GAK: variants seen among roughly 807,000 people sequenced by gnomAD.
GAK encodes the protein cyclin-G-associated kinase.
GAK carries 79 observed loss-of-function variants against 143.9 expected under a neutral mutation model. That is an observed-to-expected ratio of 0.55 (90% CI 0.46 to 0.66). The LOEUF (loss-of-function observed/expected upper bound fraction) is 0.66, where lower values mean the gene tolerates loss of function less well. GAK is among the 30% of genes least tolerant of loss of function. The probability of loss-of-function intolerance (pLI) is 0.00; values close to 1 mark genes in which losing one functional copy is unlikely to be tolerated. For synonymous variants in GAK, 881 were observed against 765.5 expected, an observed-to-expected ratio of 1.15 and a Z score of -2.49; for missense variants, 1,693 against 1,779.7, an observed-to-expected ratio of 0.95 and a Z score of 0.88.
At chr4:893,726 C>CA in intron 8 of GAK, 148 bp downstream of exon 8, 2 of 59,248 alleles carry the variant, frequency 3.4e-5, no homozygotes, top group Non-Finnish European at 5.2e-5. Context: ...TCTCTGGAAA[C>CA]CCCCCCCCCA....
rs1330360066 is a variant in GAK, at chr4:858,474, G to C, written c.3283+1132C>G. Among the ~76,000 whole-genome samples the C allele has an allele frequency of 3.3e-5, 5 of 152,274 alleles. No homozygotes were observed. The East Asian group carries it at 9.7e-4, about 29-fold the overall frequency. ...GCCCAGGGCAGTCAAGGCACACGCA[G>C]GTCTCCTCCCGAGGGCACGGCCCTC... On this transcript the variant is annotated intron_variant, in intron 24 of 27. Transcript: ENST00000314167.
intron 7 of GAK, among the ~76,000 whole-genome samples, chr4:895,616 T>C (rs568824091): frequency 6.6e-6 from 1 of 152,314 alleles, no homozygotes; most frequent in East Asian, 1.9e-4. Flanking sequence ...GCAAATACAC[T>C]ACGGAGGGCC....
chr4:921,376 G>C (rs1356699593), intron 1 of GAK, among the ~76,000 whole-genome samples: 1 of 152,184 alleles, frequency 6.6e-6, no homozygotes, highest in Non-Finnish European at 1.5e-5. Context: ...TTACAGGCCT[G>C]GGCTACCACG....
In GAK at chr4:884,036, C is replaced by T. The variant is rs1715729106; in HGVS notation, c.1255+1G>A. On this transcript the variant is annotated splice_donor_variant, in intron 12 of 27. Transcript: ENST00000314167. LOFTEE classifies it high-confidence loss of function. ...CCCACAGCCTCATGTGGCACGCATACCTGCAATTCTGGATGTGATGTAAGA... is the reference window on the plus strand; with the variant it reads ...CCCACAGCCTCATGTGGCACGCATATCTGCAATTCTGGATGTGATGTAAGA... 2 of 1,613,446 alleles carry T rather than the reference C, an allele frequency of 1.2e-6. No individual in the cohort carries two copies. The highest frequency in any genetic ancestry group is 1.7e-6 in the Non-Finnish European group (2 of 1,179,656).
At chr4:910,640 G>A (rs1577277273) in intron 4 of GAK, among the ~76,000 whole-genome samples, 2 of 152,204 alleles carry the variant, frequency 1.3e-5, no homozygotes, top group African/African-American at 4.8e-5. Context: ...GCTTGTGGAC[G>A]ACAGATCTCA....
In GAK at chr4:882,051, C is replaced by CA; in HGVS notation, c.1528-12dup. The CA allele has an allele frequency of 6.3e-7, 1 of 1,595,970 alleles. No individual in the cohort carries two copies. The highest frequency in any genetic ancestry group is 1.7e-5 in the Admixed American group (1 of 58,456). ...CGCGGCTCTCCCGTCCTAGGACAGA[C>CA]AGACACGTCTCGCGTGCGCCTCGCA... On this transcript the variant is annotated splice_polypyrimidine_tract_variant and intron_variant, in intron 14 of 27. Transcript: ENST00000314167.
chr4:866,832 A>G, intron 21 of GAK, 124 bp downstream of exon 21: 1 of 749,308 alleles, frequency 1.3e-6, no homozygotes, highest in South Asian at 2.0e-5. Context: ...CTCCTGGGGG[A>G]GGTGGGGGAA....
At chr4:882,625 A>G in intron 14 of GAK, 72 bp downstream of exon 14, 1 of 1,563,320 alleles carries the variant, frequency 6.4e-7, no homozygotes. Flanking sequence ...TGGCGCTCAG[A>G]TCCTGTTGAA....
intron 6 of GAK, 37 bp downstream of exon 6, chr4:897,996 G>A: frequency 6.3e-7 from 1 of 1,589,938 alleles, no homozygotes; most frequent in South Asian, 1.1e-5. Context: ...ATGTGGGAAG[G>A]GCCAGCTTCC....
At chr4:879,159 T>C (rs1714583570) in intron 15 of GAK, among the ~76,000 whole-genome samples, 1 of 151,978 alleles carries the variant, frequency 6.6e-6, no homozygotes, top group South Asian at 2.1e-4. Flanking sequence ...TAAGCCCGAG[T>C]GTGTTGTGTC....
chr4:849,808 A>G, intron 27 of GAK, 34 bp from the exon 28 acceptor site: 2 of 1,589,276 alleles, frequency 1.3e-6, no homozygotes, highest in Non-Finnish European at 1.7e-6. Context: ...CGCCTCTTAT[A>G]AGCATGCGGG....
intron 1 of GAK, among the ~76,000 whole-genome samples, chr4:928,851 C>A (rs1054985973): frequency 3.3e-5 from 5 of 152,130 alleles, no homozygotes; most frequent in Non-Finnish European, 5.9e-5. Context: ...GCATCCTCCA[C>A]CTCCCAGGTT....
chr4:914,366 GCC>G (rs1319183858), intron 1 of GAK, among the ~76,000 whole-genome samples: 1 of 80,852 alleles, frequency 1.2e-5, no homozygotes, highest in African/African-American at 5.1e-5. Context: ...AGCGTGCACG[GCC>G]CCCACACACA....
intron 23 of GAK, among the ~76,000 whole-genome samples, chr4:864,685 G>C (rs7663814): frequency 0.25 from 37,924 of 152,030 alleles, 4,871 homozygotes; most frequent in Non-Finnish European, 0.27. Flanking sequence ...ACAGGGCATG[G>C]GGCATCGGCC....
In GAK at chr4:851,828, G is replaced by T. The variant is rs1159920438; in HGVS notation, c.3430C>A (p.Gln1144Lys). 5.2e-5 allele frequency: 83 copies of T among 1,610,888 alleles called. No individual in the cohort carries two copies. Among genetic ancestry groups the T allele is most frequent in the Non-Finnish European group, 7.0e-5 (83 of 1,178,248 alleles). Reference protein sequence around the residue: ...QAKPPPKACTQPRPNYASNFS... With the variant: ...QAKPPPKACTKPRPNYASNFS... ...TTCGAGGCATAGTTAGGCCTTGGCTGTGTGCAGGCTTTGGGGGGCGGCTTG... is the reference window on the plus strand; with the variant it reads ...TTCGAGGCATAGTTAGGCCTTGGCTTTGTGCAGGCTTTGGGGGGCGGCTTG... Residue 1144 changes from glutamine to lysine, a missense_variant, in exon 25 of 28, where the codon CAG becomes AAG. Physicochemically the swap from Gln to Lys is moderately conservative, Grantham distance 53. Transcript: ENST00000314167.
intron 18 of GAK, among the ~76,000 whole-genome samples, chr4:873,420 G>A (rs1304444415): frequency 1.3e-5 from 2 of 151,850 alleles, no homozygotes; most frequent in Non-Finnish European, 2.9e-5. Context: ...TTTAATAAAC[G>A]CCCACTTGAA....
intron 1 of GAK, among the ~76,000 whole-genome samples, chr4:925,902 C>T (rs778775332): frequency 1.3e-5 from 2 of 152,194 alleles, no homozygotes; most frequent in Non-Finnish European, 2.9e-5. Flanking sequence ...GGGATGCGCA[C>T]CCACACAGAC....
chr4:870,696 C>G lies in GAK; in HGVS notation c.2248+15G>C, dbSNP rs1712375837. 4 of 1,612,552 alleles carry G rather than the reference C, an allele frequency of 2.5e-6. No individual in the cohort carries two copies. The highest frequency in any genetic ancestry group is 3.4e-6 in the Non-Finnish European group (4 of 1,179,464). On this transcript the variant is annotated intron_variant, in intron 19 of 27. Coordinates refer to ENST00000314167, the MANE Select transcript of GAK (RefSeq NM_005255.4). The stretch of plus-strand genomic sequence containing the variant: ...ACCAGAACAGGGTTCACCTAATTCA[C>G]CTGCGGGATCTTACCAAACTTAGAC...
In GAK at chr4:870,814, C is replaced by T. The variant is rs754721732; in HGVS notation, c.2145G>A (p.Pro715=). The T allele has an allele frequency of 1.3e-4, 210 of 1,613,920 alleles. No homozygotes were observed. The highest frequency in any genetic ancestry group is 4.9e-4 in the East Asian group (22 of 44,896). Residue 715 remains proline, a synonymous_variant, in exon 19 of 28, where the codon CCG becomes CCA. Transcript: ENST00000314167. ...TCTCCCATGGTGGGGCTTCCCGGCT[C>T]GGCCTGTCCCTGGGCTCCACCTCCA... The part of the protein sequence containing the change: ...LEVEVEPRDR[P]SREAPPWENS...
Sources: gnomAD v4.1 joint callset for allele counts (sites outside exome capture counted in the v4.1 genomes callset) on GRCh38, gnomAD v4.1.1 for gene constraint, MANE v1.5 for transcripts, NCBI Gene and HGNC (gene_info 2026-07-23, HGNC 2026-07-21) for gene names.